The following COLGALT2 variants were observed in gnomAD, a reference collection of about 807,000 sequenced individuals.
COLGALT2 encodes the protein procollagen galactosyltransferase 2.
A neutral mutation model predicts 73.4 loss-of-function variants in COLGALT2; 49 were observed. The observed-to-expected ratio is 0.67, with a 90% CI of 0.53 to 0.85. COLGALT2 has a LOEUF of 0.85. Among genes scored for constraint, COLGALT2 ranks in the 40% least tolerant of loss-of-function variants. COLGALT2 has a pLI of 0.00. For synonymous variants in COLGALT2, 295 were observed against 307.6 expected (o/e 0.96, Z 0.43); for missense variants, 722 against 790.2 (o/e 0.91, Z 1.03).
intron 1 of COLGALT2, among the ~76,000 whole-genome samples, chr1:184,010,296 A>G (rs1196294424): frequency 6.6e-6 from 1 of 152,238 alleles, no homozygotes; most frequent in Non-Finnish European, 1.5e-5. Context: ...ATCCTTAAAT[A>G]TTGGCAATTT....
chr1:184,019,957 A>C (rs1227792252), intron 1 of COLGALT2, among the ~76,000 whole-genome samples: 1 of 152,196 alleles, frequency 6.6e-6, no homozygotes, highest in Admixed American at 6.5e-5. Context: ...GGTCCTTCCA[A>C]AACTCCTAAC....
chr1:184,036,387 C>T (rs557352936), intron 1 of COLGALT2, among the ~76,000 whole-genome samples: 2 of 152,216 alleles, frequency 1.3e-5, no homozygotes, highest in African/African-American at 2.4e-5. Context: ...GTTTATCTTT[C>T]CCAGGGCATC....
intron 6 of COLGALT2, among the ~76,000 whole-genome samples, chr1:183,961,579 T>C (rs1463585614): frequency 6.6e-6 from 1 of 152,232 alleles, no homozygotes; most frequent in Middle Eastern, 3.2e-3. Flanking sequence ...CTTCTCAACA[T>C]TGCAAAATCA....
At chr1:184,031,295 C>G (rs1048494563) in intron 1 of COLGALT2, among the ~76,000 whole-genome samples, 1 of 152,158 alleles carries the variant, frequency 6.6e-6, no homozygotes, top group East Asian at 1.9e-4. Flanking sequence ...AAATTTCTTT[C>G]TACTGTTATG....
At chr1:184,011,284 T>C (rs145207295) in intron 1 of COLGALT2, among the ~76,000 whole-genome samples, 8 of 152,332 alleles carry the variant, frequency 5.3e-5, no homozygotes, top group East Asian at 1.9e-4. Flanking sequence ...TGGGAGCCGA[T>C]TTAATGAAAG....
intron 8 of COLGALT2, chr1:183,946,405 G>A (rs1417728465): frequency 1.3e-5 from 2 of 152,110 alleles, no homozygotes; most frequent in Admixed American, 1.3e-4. Context: ...CTGTCCACAC[G>A]CCCAGGAAAA....
intron 6 of COLGALT2, 82 bp from the exon 7 acceptor site, chr1:183,954,920 A>C: frequency 1.9e-6 from 2 of 1,077,806 alleles, no homozygotes; most frequent in Admixed American, 1.8e-5. Flanking sequence ...CCTGATCTCT[A>C]GGGTTGGAAT....
intron 1 of COLGALT2, among the ~76,000 whole-genome samples, chr1:183,988,848 C>A (rs1028626937): frequency 6.6e-6 from 1 of 151,984 alleles, no homozygotes; most frequent in African/African-American, 2.4e-5. Flanking sequence ...ACCCTGAGTA[C>A]GGCTGCTCAA....
At chr1:184,027,633 T>C (rs1649370596) in intron 1 of COLGALT2, among the ~76,000 whole-genome samples, 1 of 152,222 alleles carries the variant, frequency 6.6e-6, no homozygotes, top group African/African-American at 2.4e-5. Context: ...CCTCAATTAC[T>C]AATTTCAACA....
intron 7 of COLGALT2, among the ~76,000 whole-genome samples, chr1:183,952,043 A>G (rs890266445): frequency 1.3e-5 from 2 of 152,230 alleles, no homozygotes; most frequent in Non-Finnish European, 2.9e-5. Flanking sequence ...ATAAGTGCAC[A>G]CATTTACAGC....
intron 1 of COLGALT2, among the ~76,000 whole-genome samples, chr1:184,004,036 G>A (rs1672001563): frequency 6.6e-6 from 1 of 152,054 alleles, no homozygotes; most frequent in Admixed American, 6.5e-5. Flanking sequence ...ATTATTAATT[G>A]AAAAAGAAAA....
intron 6 of COLGALT2, among the ~76,000 whole-genome samples, chr1:183,962,786 A>G (rs993924290): frequency 1.3e-5 from 2 of 152,018 alleles, no homozygotes; most frequent in African/African-American, 2.4e-5. Flanking sequence ...CTCCACCTAC[A>G]CTTTTCTTAC....
intron 6 of COLGALT2, among the ~76,000 whole-genome samples, chr1:183,960,911 C>A (rs994141974): frequency 6.6e-6 from 1 of 152,162 alleles, no homozygotes; most frequent in Non-Finnish European, 1.5e-5. Context: ...TCTAACAACA[C>A]TATTAGCAGC....
chr1:183,997,080 A>C (rs1431514378), intron 1 of COLGALT2, among the ~76,000 whole-genome samples: 1 of 152,214 alleles, frequency 6.6e-6, no homozygotes, highest in Non-Finnish European at 1.5e-5. Flanking sequence ...CAAGAGGCTT[A>C]AGGTCTGGCC....
At position 183,957,583 on chromosome 1, in the gene COLGALT2, T is replaced by C. The variant is rs950785571; in HGVS notation, c.953-2745A>G. 2.6e-5 allele frequency among the ~76,000 whole-genome samples: 4 copies of C among 152,292 alleles called. No homozygotes were observed. The East Asian group carries it at 7.7e-4, about 29-fold the overall frequency. ...CCCACTATGCCTGGGCTGTTTTTGA[T>C]TTTTTTCAAACACTTACATGCTCTC... On this transcript the variant is annotated intron_variant, in intron 6 of 11. Transcript: ENST00000361927.
At chr1:183,949,200 G>A (rs1022543899) in intron 8 of COLGALT2, among the ~76,000 whole-genome samples, 1 of 152,082 alleles carries the variant, frequency 6.6e-6, no homozygotes, top group African/African-American at 2.4e-5. Flanking sequence ...CAAAATCCCA[G>A]CTGCCGTTTT....
At chr1:184,013,849 A>T (rs191853089) in intron 1 of COLGALT2, among the ~76,000 whole-genome samples, 3 of 152,290 alleles carry the variant, frequency 2.0e-5, no homozygotes, top group East Asian at 3.9e-4. Flanking sequence ...AGTGAAAAAA[A>T]TCTAGAGGAT....
At chr1:183,971,469 C>T (rs1671035660) in intron 4 of COLGALT2, among the ~76,000 whole-genome samples, 1 of 152,116 alleles carries the variant, frequency 6.6e-6, no homozygotes, top group Non-Finnish European at 1.5e-5. Context: ...ACTAGGATAA[C>T]CCACCCTTGT....
chr1:184,000,885 A>G (rs1030918269), intron 1 of COLGALT2, among the ~76,000 whole-genome samples: 12 of 139,444 alleles, frequency 8.6e-5, no homozygotes, highest in Middle Eastern at 3.9e-3. Flanking sequence ...GCTGGAGTGC[A>G]GTGGAGCGAT....
Sources: gnomAD v4.1 joint callset for allele counts (sites outside exome capture counted in the v4.1 genomes callset) on GRCh38, gnomAD v4.1.1 for gene constraint, MANE v1.5 for transcripts, NCBI Gene and HGNC (gene_info 2026-07-23, HGNC 2026-07-21) for gene names.